The following ZNF521 variants were observed in gnomAD, a reference collection of about 807,000 sequenced individuals.
ZNF521 encodes LYST-interacting protein 3.
ZNF521 carries 14 observed loss-of-function variants against 105.5 expected under a neutral mutation model. That is an observed-to-expected ratio of 0.13 (90% CI 0.09 to 0.21). The LOEUF is 0.21. ZNF521 is among the 10% of genes least tolerant of loss of function. ZNF521 has a pLI of 1.00. For synonymous variants in ZNF521, 635 were observed against 606.0 expected, an observed-to-expected ratio of 1.05 and a Z score of -0.70; for missense variants, 1,233 against 1,629.7, an observed-to-expected ratio of 0.76 and a Z score of 4.19.
intron 3 of ZNF521, among the ~76,000 whole-genome samples, chr18:25,248,630 A>T (rs62083929): frequency 0.045 from 6,788 of 152,310 alleles, 216 homozygotes; most frequent in Middle Eastern, 0.078. Context: ...ATCTTTATCT[A>T]GATAAAGAAC....
intron 2 of ZNF521, among the ~76,000 whole-genome samples, chr18:25,333,290 T>C (rs1913683603): frequency 1.6e-5 from 2 of 124,288 alleles, no homozygotes; most frequent in African/African-American, 6.2e-5. Flanking sequence ...TGTGGTTTAA[T>C]AAGGACACAC....
chr18:25,077,517 C>G (rs919945069), intron 7 of ZNF521, among the ~76,000 whole-genome samples: 3 of 131,980 alleles, frequency 2.3e-5, no homozygotes, highest in Non-Finnish European at 4.8e-5. Context: ...CAAACATGTG[C>G]CTTTCTCCTC....
chr18:25,264,173 G>C (rs1909098884), intron 3 of ZNF521, among the ~76,000 whole-genome samples: 1 of 152,116 alleles, frequency 6.6e-6, no homozygotes, highest in African/African-American at 2.4e-5. Flanking sequence ...TTGTATCTCA[G>C]GAAACTATTA....
intron 7 of ZNF521, among the ~76,000 whole-genome samples, chr18:25,079,498 C>T (rs1011912156): frequency 3.9e-5 from 6 of 152,250 alleles, no homozygotes; most frequent in African/African-American, 1.2e-4. Context: ...TACATTCTCC[C>T]CAGCTCTTCC....
chr18:25,154,926 T>C (rs1408942911), intron 5 of ZNF521, among the ~76,000 whole-genome samples: 1 of 152,080 alleles, frequency 6.6e-6, no homozygotes, highest in East Asian at 1.9e-4. Flanking sequence ...GATTGCTGGG[T>C]CCTATATTAC....
At chr18:25,081,297 T>A (rs972012969) in intron 7 of ZNF521, among the ~76,000 whole-genome samples, 1 of 152,184 alleles carries the variant, frequency 6.6e-6, no homozygotes, top group Non-Finnish European at 1.5e-5. Flanking sequence ...ACAGGGCTGT[T>A]GGAGGAGGGA....
intron 4 of ZNF521, among the ~76,000 whole-genome samples, chr18:25,200,751 C>T (rs1467777796): frequency 6.6e-6 from 1 of 152,080 alleles, no homozygotes; most frequent in East Asian, 1.9e-4. Flanking sequence ...TAGAGTTTAT[C>T]CTATCTAGCA....
intron 5 of ZNF521, among the ~76,000 whole-genome samples, chr18:25,188,411 C>A (rs914168898): frequency 6.6e-6 from 1 of 152,146 alleles, no homozygotes; most frequent in African/African-American, 2.4e-5. Flanking sequence ...GGAAATAGGT[C>A]ATCAGAGACC....
intron 4 of ZNF521, among the ~76,000 whole-genome samples, chr18:25,214,244 C>T (rs1235892616): frequency 6.6e-6 from 1 of 152,036 alleles, no homozygotes; most frequent in Non-Finnish European, 1.5e-5. Flanking sequence ...AGAATTATTG[C>T]ATTCTTTTTA....
At chr18:25,113,878 T>C (rs1428268913) in intron 5 of ZNF521, among the ~76,000 whole-genome samples, 1 of 151,992 alleles carries the variant, frequency 6.6e-6, no homozygotes, top group African/African-American at 2.4e-5. Context: ...AGTTTGAGAC[T>C]GGAAACTAGA....
At chr18:25,076,338 A>G (rs941673553) in intron 7 of ZNF521, among the ~76,000 whole-genome samples, 53 of 152,344 alleles carry the variant, frequency 3.5e-4, no homozygotes, top group African/African-American at 1.3e-3. Context: ...GTTGGAAGAA[A>G]GACCTGTTAC....
intron 3 of ZNF521, among the ~76,000 whole-genome samples, chr18:25,257,659 T>C (rs1424048414): frequency 6.6e-6 from 1 of 152,172 alleles, no homozygotes; most frequent in Non-Finnish European, 1.5e-5. Flanking sequence ...CAGAAAATAA[T>C]TGCCTCCTGT....
intron 3 of ZNF521, among the ~76,000 whole-genome samples, chr18:25,282,684 A>G (rs1409424351): frequency 6.6e-6 from 1 of 152,184 alleles, no homozygotes; most frequent in African/African-American, 2.4e-5. Flanking sequence ...AGCCCAAAAA[A>G]ATTAAGTTAA....
chr18:25,233,297 G>C (rs1443576834), intron 3 of ZNF521, among the ~76,000 whole-genome samples: 1 of 151,448 alleles, frequency 6.6e-6, no homozygotes, highest in Non-Finnish European at 1.5e-5. Context: ...AATGTCAACA[G>C]TTTTAGAAAA....
chr18:25,238,733 C>A (rs1907100117), intron 3 of ZNF521, among the ~76,000 whole-genome samples: 2 of 152,196 alleles, frequency 1.3e-5, no homozygotes. Context: ...GGCTGACCCT[C>A]TACCACAGCC....
At chr18:25,242,191 A>G (rs1458799106) in intron 3 of ZNF521, among the ~76,000 whole-genome samples, 3 of 152,186 alleles carry the variant, frequency 2.0e-5, no homozygotes, top group Non-Finnish European at 4.4e-5. Context: ...AAGCCATCTA[A>G]AAATGGAAGA....
At chr18:25,149,368 G>A (rs147022535) in intron 5 of ZNF521, among the ~76,000 whole-genome samples, 2 of 152,238 alleles carry the variant, frequency 1.3e-5, no homozygotes, top group Non-Finnish European at 2.9e-5. Flanking sequence ...GGTAAAACAC[G>A]TGTAAATTTG....
chr18:25,239,383 A>G (rs1035560866), intron 3 of ZNF521, among the ~76,000 whole-genome samples: 2 of 152,216 alleles, frequency 1.3e-5, no homozygotes, highest in Non-Finnish European at 2.9e-5. Flanking sequence ...GCCGTGTTTC[A>G]AGTGTGTACA....
In ZNF521 at chr18:25,177,895, C is replaced by A. The variant is rs529028830; in HGVS notation, c.3658+17265G>T. On this transcript the variant is annotated intron_variant, in intron 5 of 7. Coordinates refer to ENST00000361524, the MANE Select transcript of ZNF521 (RefSeq NM_015461.3). ...CGTGGATTTTGGGAGGAAACCTGCACAATTTTGTTCTTGTCCTGTGACTGG... is the reference window on the plus strand; with the variant it reads ...CGTGGATTTTGGGAGGAAACCTGCAAAATTTTGTTCTTGTCCTGTGACTGG... Among the ~76,000 whole-genome samples the A allele has an allele frequency of 2.2e-4, 33 of 152,282 alleles. No individual in the cohort carries two copies. In the South Asian group the frequency reaches 6.8e-3, roughly 32 times the overall value.
Sources: allele counts gnomAD v4.1 joint callset (sites outside exome capture counted in the v4.1 genomes callset), GRCh38; gene constraint gnomAD v4.1.1; transcripts MANE v1.5; gene names NCBI Gene and HGNC (gene_info 2026-07-23, HGNC 2026-07-21).